The following BTBD2 variants were observed in gnomAD, a reference collection of about 807,000 sequenced individuals.
BTBD2 encodes BTB/POZ domain-containing protein 2.
Under a neutral mutation model 44.0 loss-of-function variants are expected in BTBD2, and 15 were observed. The observed-to-expected ratio is 0.34, with a 90% CI of 0.23 to 0.53. The LOEUF (loss-of-function observed/expected upper bound fraction) is 0.53. BTBD2 is among the 20% of genes least tolerant of loss of function. The pLI, the probability that BTBD2 is intolerant of heterozygous loss-of-function variation, is 0.95. For missense variants in BTBD2, 657 were observed against 746.4 expected, an observed-to-expected ratio of 0.88 and a Z score of 1.39; for synonymous variants, 443 against 335.9, an observed-to-expected ratio of 1.32 and a Z score of -3.49.
At chr19:2,015,262 G>A in intron 1 of BTBD2, 35 bp downstream of exon 1, 2 of 1,522,742 alleles carry the variant, frequency 1.3e-6, no homozygotes, top group Non-Finnish European at 1.8e-6. Context: ...GGCTGGGTGG[G>A]TCGGGGCCAG....
intron 1 of BTBD2, among the ~76,000 whole-genome samples, chr19:1,998,638 G>C (rs936225224): frequency 2.0e-5 from 3 of 152,138 alleles, no homozygotes; most frequent in Non-Finnish European, 4.4e-5. Context: ...CCCGCGTTTG[G>C]CCAGGTCTGT....
chr19:2,013,937 T>C (rs533369512), intron 1 of BTBD2: 1 of 136,288 alleles, frequency 7.3e-6, no homozygotes, highest in African/African-American at 2.8e-5. Context: ...GTGGAGGAAA[T>C]AGCACGACCC....
At chr19:1,987,784 G>T in intron 5 of BTBD2, 92 bp from the exon 6 acceptor site, 2 of 1,313,624 alleles carry the variant, frequency 1.5e-6, no homozygotes, top group East Asian at 2.5e-5. Flanking sequence ...TAAGATGTCT[G>T]CGTCGGACTT....
chr19:1,988,376 TC>T (rs2016123023), intron 5 of BTBD2: 1 of 152,742 alleles, frequency 6.5e-6, no homozygotes, highest in Admixed American at 6.5e-5. Flanking sequence ...CACAGCACCC[TC>T]TGCTCTAATG....
At chr19:2,001,545 G>C (rs965499208) in intron 1 of BTBD2, among the ~76,000 whole-genome samples, 3 of 152,108 alleles carry the variant, frequency 2.0e-5, no homozygotes, top group Non-Finnish European at 2.9e-5. Flanking sequence ...GTGCACAAAG[G>C]GCCAATGATT....
chr19:2,009,070 G>C (rs574175782), intron 1 of BTBD2, among the ~76,000 whole-genome samples: 5 of 150,720 alleles, frequency 3.3e-5, no homozygotes. Context: ...CCAGGCTGAA[G>C]TGCAGTGGCA....
intron 8 of BTBD2, 49 bp downstream of exon 8, chr19:1,986,781 G>A (rs1314643015): frequency 6.4e-7 from 1 of 1,574,214 alleles, no homozygotes; most frequent in African/African-American, 1.3e-5. Context: ...GGTGGCTTCA[G>A]GATGGGCCAG....
intron 1 of BTBD2, among the ~76,000 whole-genome samples, chr19:2,003,790 G>GA (rs61610104): frequency 6.8e-6 from 1 of 146,530 alleles, no homozygotes; most frequent in African/African-American, 2.6e-5. Context: ...AAAAAAAAGA[G>GA]AAAGAAAAGA....
At chr19:1,997,543 T>C in intron 1 of BTBD2, 80 bp from the exon 2 acceptor site, 6 of 1,583,628 alleles carry the variant, frequency 3.8e-6, no homozygotes, top group Non-Finnish European at 5.1e-6. Context: ...GTATCCTGGG[T>C]GACCACCCCA....
rs1211549275 is a variant in BTBD2, at chr19:1,986,243, G to A, written c.*245C>T. ...GGCACAGCCCTGTCCCTAGTCCTGA[G>A]GGATTGTCTCCACAGGGCCTGGCCA... On this transcript the variant is annotated 3_prime_UTR_variant, in exon 9 of 9. Transcript: ENST00000255608. 8 of 556,170 alleles carry A rather than the reference G, an allele frequency of 1.4e-5. No individual in the cohort carries two copies. The highest frequency in any genetic ancestry group is 2.6e-5 in the Non-Finnish European group (8 of 310,988). 34.5% of individuals were successfully genotyped at this position (556,170 alleles called of 1,614,324 possible).
intron 2 of BTBD2, 136 bp downstream of exon 2, chr19:1,997,208 C>G (rs2016262480): frequency 7.6e-7 from 1 of 1,314,322 alleles, no homozygotes; most frequent in Non-Finnish European, 1.0e-6. Context: ...GCCTCTGGAA[C>G]CCCTCATTGC....
chr19:2,005,517 C>T (rs1028260322), intron 1 of BTBD2, among the ~76,000 whole-genome samples: 20 of 152,072 alleles, frequency 1.3e-4, no homozygotes, highest in Non-Finnish European at 2.2e-4. Flanking sequence ...CGCAGTGGCT[C>T]ATGTCTGTCA....
At chr19:2,013,910 T>G (rs2016498864) in intron 1 of BTBD2, 1 of 102,870 alleles carries the variant, frequency 9.7e-6, no homozygotes, top group African/African-American at 3.9e-5. Flanking sequence ...GGAGGGGTCT[T>G]GTGGTCATGG....
intron 1 of BTBD2, among the ~76,000 whole-genome samples, chr19:1,999,773 C>T (rs1156408031): frequency 6.6e-6 from 1 of 151,688 alleles, no homozygotes; most frequent in Non-Finnish European, 1.5e-5. Flanking sequence ...ACCAGCCTGG[C>T]CAACATGGTG....
intron 1 of BTBD2, chr19:2,013,555 G>C (rs1326553754): frequency 1.3e-5 from 13 of 987,082 alleles, no homozygotes; most frequent in Non-Finnish European, 1.6e-5. Context: ...ACCTTCTGCA[G>C]AGTCCAGGGT....
Position 2,001,993 on chromosome 19 carries a change from C to T in BTBD2, c.408-4530G>A, listed in dbSNP as rs2016336014. On this transcript the variant is annotated intron_variant, in intron 1 of 8. Coordinates refer to ENST00000255608, the MANE Select transcript of BTBD2 (RefSeq NM_017797.4). ...TGACGTCAGATGATCCGCCCGCCTC[C>T]GTCTCCCAAAGTGCTGGGATTACAG... Among the ~76,000 whole-genome samples the T allele has an allele frequency of 2.0e-5, 3 of 152,150 alleles. No individual in the cohort carries two copies. In the South Asian group the frequency reaches 6.2e-4, roughly 31 times the overall value.
chr19:2,011,489 C>T (rs1021864347), intron 1 of BTBD2, among the ~76,000 whole-genome samples: 10 of 152,112 alleles, frequency 6.6e-5, no homozygotes. Flanking sequence ...CCTCTGGGCT[C>T]TGGGCCTTCC....
At chr19:2,006,776 C>G (rs916330810) in intron 1 of BTBD2, among the ~76,000 whole-genome samples, 3 of 152,092 alleles carry the variant, frequency 2.0e-5, no homozygotes, top group Non-Finnish European at 4.4e-5. Context: ...GCAACCTCCT[C>G]CTCCCAGATT....
In BTBD2 at chr19:2,015,452, C is replaced by T; in HGVS notation, c.252G>A (p.Gly84=). The change falls in exon 1 of 9, where the codon GGG becomes GGA. Residue 84 remains glycine, a synonymous_variant. Coordinates refer to ENST00000255608, the MANE Select transcript of BTBD2 (RefSeq NM_017797.4). ...AERAEEAAGP[G]AAALQREAAY... ...CGGCCTCGCGCTGCAGCGCCGCCGC[C>T]CCCGGGCCCGCCGCCTCCTCCGCCC... 1.2e-5 allele frequency: 17 copies of T among 1,399,580 alleles called. No homozygotes were observed. Among genetic ancestry groups the T allele is most frequent in the Non-Finnish European group, 1.6e-5 (17 of 1,075,150 alleles). 86.7% of individuals were successfully genotyped at this position (1,399,580 alleles called of 1,614,324 possible).
Sources: gnomAD v4.1 joint callset for allele counts (sites outside exome capture counted in the v4.1 genomes callset) on GRCh38, gnomAD v4.1.1 for gene constraint, MANE v1.5 for transcripts, NCBI Gene and HGNC (gene_info 2026-07-23, HGNC 2026-07-21) for gene names.